Variants in ABHD13 observed in about 807,000 individuals in gnomAD.
ABHD13 encodes the protein abhydrolase domain containing 13, also known as protein ABHD13.
A neutral mutation model predicts 25.2 loss-of-function variants in ABHD13; 7 were observed. That is an observed-to-expected ratio of 0.28 (90% CI 0.16 to 0.52). The LOEUF (loss-of-function observed/expected upper bound fraction) is 0.52. ABHD13 is among the 20% of genes least tolerant of loss of function. ABHD13 has a pLI of 0.96. For missense variants in ABHD13, 302 were observed against 402.7 expected (o/e 0.75, Z 2.14); for synonymous variants, 133 against 136.1 (o/e 0.98, Z 0.16).
At chr13:108,228,124 A>G (rs868544285) in intron 1 of ABHD13, among the ~76,000 whole-genome samples, 1 of 152,138 alleles carries the variant, frequency 6.6e-6, no homozygotes, top group Non-Finnish European at 1.5e-5. Context: ...AATTTGTAAC[A>G]TATCTCAATT....
chr13:108,226,695 C>T (rs1422194960), intron 1 of ABHD13, among the ~76,000 whole-genome samples: 2 of 152,160 alleles, frequency 1.3e-5, no homozygotes, highest in African/African-American at 4.8e-5. Context: ...ACTGTCATAA[C>T]ATCTGGGTAT....
At chr13:108,221,808 G>A (rs995229426) in intron 1 of ABHD13, among the ~76,000 whole-genome samples, 4 of 151,364 alleles carry the variant, frequency 2.6e-5, no homozygotes, top group Non-Finnish European at 4.4e-5. Context: ...GGCAGAATCC[G>A]TAACTCGATA....
At position 108,229,381 on chromosome 13, in the gene ABHD13, G is replaced by A. The variant is rs1292384177; in HGVS notation, c.163G>A (p.Gly55Ser). Residue 55 changes from glycine to serine, a missense_variant, in exon 2 of 2, where the codon GGT becomes AGT. By Grantham distance (56) the Gly-to-Ser change is moderately conservative. Transcript: ENST00000375898. This position sits in a 1 kb window ranked among gnomAD's most constrained non-coding sequence, Gnocchi z 4.7. The stretch of plus-strand genomic sequence containing the variant: ...TTTGTTAATATTCATATCAATAGCA[G>A]GTATTCTGTATAAATTCCAGGATGT... ...LLLLIFISIAGILYKFQDVLL... is the reference protein window; with the variant it reads ...LLLLIFISIASILYKFQDVLL... 6.2e-7 allele frequency: 1 copy of A among 1,612,642 alleles called. No individual in the cohort carries two copies. Among genetic ancestry groups the A allele is most frequent in the Admixed American group, 1.7e-5 (1 of 59,898 alleles).
At chr13:108,223,368 C>G (rs922461346) in intron 1 of ABHD13, among the ~76,000 whole-genome samples, 2 of 152,334 alleles carry the variant, frequency 1.3e-5, no homozygotes, top group East Asian at 3.9e-4. Context: ...AACAAAGCAG[C>G]TAGTTCAGCT....
rs1332664819 is a variant in ABHD13 at position 108,230,330 on chromosome 13, G to A, written c.*98G>A. 1.7e-5 allele frequency: 19 copies of A among 1,087,486 alleles called. No homozygotes were observed. Among genetic ancestry groups the A allele is most frequent in the Non-Finnish European group, 2.3e-5 (18 of 780,212 alleles). The allele number at this position is 1,087,486 out of a possible 1,614,324, so 67.4% of individuals were successfully genotyped here. ...TGTTATGTCTGTACCTGTCTGAAGA[G>A]TGACATTAAACTTTGAAAGGACTTC... is the stretch of plus-strand genomic sequence containing the variant. On this transcript the variant is annotated 3_prime_UTR_variant, in exon 2 of 2. Coordinates refer to ENST00000375898, the MANE Select transcript of ABHD13 (RefSeq NM_032859.3).
Position 108,229,383 on chromosome 13 carries a change from T to C in ABHD13, c.165T>C (p.Gly55=). ...TGTTAATATTCATATCAATAGCAGGTATTCTGTATAAATTCCAGGATGTAT... is the reference window on the plus strand; with the variant it reads ...TGTTAATATTCATATCAATAGCAGGCATTCTGTATAAATTCCAGGATGTAT... The part of the protein sequence containing the change: ...LLLLIFISIA[G]ILYKFQDVLL... Residue 55 remains glycine, a synonymous_variant, in exon 2 of 2, where the codon GGT becomes GGC. Coordinates refer to ENST00000375898, the MANE Select transcript of ABHD13 (RefSeq NM_032859.3). This position sits in a 1 kb window ranked among gnomAD's most constrained non-coding sequence, Gnocchi z 4.7. The C allele has an allele frequency of 1.2e-6, 2 of 1,612,642 alleles. No homozygotes were observed. The highest frequency in any genetic ancestry group is 1.7e-6 in the Non-Finnish European group (2 of 1,179,168).
At chr13:108,223,002 C>T (rs1195120376) in intron 1 of ABHD13, among the ~76,000 whole-genome samples, 1 of 152,202 alleles carries the variant, frequency 6.6e-6, no homozygotes, top group African/African-American at 2.4e-5. Flanking sequence ...CAACAGGAGG[C>T]ACTTCCTTAA....
chr13:108,228,908 T>G (rs1353870197), intron 1 of ABHD13, among the ~76,000 whole-genome samples: 1 of 151,892 alleles, frequency 6.6e-6, no homozygotes, highest in Non-Finnish European at 1.5e-5. Context: ...CAACTTTTTT[T>G]GGGTCAAATC....
At chr13:108,226,971 C>G (rs1226673317) in intron 1 of ABHD13, among the ~76,000 whole-genome samples, 3 of 151,910 alleles carry the variant, frequency 2.0e-5, no homozygotes, top group Non-Finnish European at 4.4e-5. Flanking sequence ...GAAAACACAC[C>G]CATACCCACG....
intron 1 of ABHD13, among the ~76,000 whole-genome samples, chr13:108,223,811 A>G (rs1440390712): frequency 6.6e-6 from 1 of 152,246 alleles, no homozygotes; most frequent in Non-Finnish European, 1.5e-5. Flanking sequence ...AAGATCTCAG[A>G]TTTAATAGAG....
intron 1 of ABHD13, among the ~76,000 whole-genome samples, chr13:108,219,069 A>G (rs1566377722): frequency 1.3e-5 from 2 of 151,958 alleles, no homozygotes; most frequent in Non-Finnish European, 2.9e-5. Flanking sequence ...CCTAAAATCC[A>G]ACCCTCCGCT....
chr13:108,231,931 T>C lies in ABHD13; in HGVS notation c.*1699T>C, dbSNP rs758706418. The C allele has an allele frequency of 1.0e-4, 17 of 167,010 alleles. No individual in the cohort carries two copies. In the East Asian group the frequency reaches 1.3e-3, roughly 13 times the overall value. The allele number at this position is 167,010 out of a possible 1,614,324, so 10.3% of individuals were successfully genotyped here. Reference sequence around the variant, plus strand: ...TAAAACAAGTTGGTAATGCATATCATGGAAGGCATATTTTGTATGTATAAA... The same window carrying C: ...TAAAACAAGTTGGTAATGCATATCACGGAAGGCATATTTTGTATGTATAAA... On this transcript the variant is annotated 3_prime_UTR_variant, in exon 2 of 2. Coordinates refer to ENST00000375898, the MANE Select transcript of ABHD13 (RefSeq NM_032859.3).
chr13:108,218,828 G>A (rs942478036), intron 1 of ABHD13, among the ~76,000 whole-genome samples, 169 bp downstream of exon 1: 1 of 151,782 alleles, frequency 6.6e-6, no homozygotes, highest in African/African-American at 2.4e-5. Context: ...TCGTGCGGGG[G>A]CCGAGCGCCG....
chr13:108,221,741 T>C (rs1277386403), intron 1 of ABHD13, among the ~76,000 whole-genome samples: 1 of 152,216 alleles, frequency 6.6e-6, no homozygotes, highest in Non-Finnish European at 1.5e-5. Context: ...CGGAAATTCA[T>C]TGTAATTCAC....
chr13:108,230,180 G>A lies in ABHD13; in HGVS notation c.962G>A (p.Ser321Asn). The change falls in exon 2 of 2, where the codon AGC becomes AAC. Residue 321 changes from serine (S) to asparagine (N), a missense_variant. Transcript: ENST00000375898. ...CAGTTCATCAAAGAAGTCGTAAAGA[G>A]CCATTCTCCTGAAGAAATGGCAAAA... ...LEQFIKEVVKSHSPEEMAKTS... is the reference protein window; with the variant it reads ...LEQFIKEVVKNHSPEEMAKTS... 6.2e-7 allele frequency: 1 copy of A among 1,608,412 alleles called. No homozygotes were observed. The highest frequency in any genetic ancestry group is 8.5e-7 in the Non-Finnish European group (1 of 1,177,432).
chr13:108,220,195 T>C (rs1879533160), intron 1 of ABHD13, among the ~76,000 whole-genome samples: 1 of 152,202 alleles, frequency 6.6e-6, no homozygotes, highest in Admixed American at 6.5e-5. Context: ...CTCCTTTCCA[T>C]TGCACCACAC....
At chr13:108,218,801 G>A (rs1879458080) in intron 1 of ABHD13, 142 bp downstream of exon 1, 1 of 151,838 alleles carries the variant, frequency 6.6e-6, no homozygotes, top group African/African-American at 2.4e-5. Flanking sequence ...CGGGGCTAGT[G>A]CGGCTTCCCC....
At chr13:108,226,424 C>T (rs1879673405) in intron 1 of ABHD13, among the ~76,000 whole-genome samples, 1 of 152,176 alleles carries the variant, frequency 6.6e-6, no homozygotes, top group Non-Finnish European at 1.5e-5. Flanking sequence ...TCACTGTCCT[C>T]TCAGTCCAGA....
rs1879839936 is a variant in ABHD13, at chr13:108,232,966, G to A, written c.*2734G>A. The A allele has an allele frequency of 1.2e-5, 2 of 166,788 alleles. No homozygotes were observed. The highest frequency in any genetic ancestry group is 1.3e-4 in the Admixed American group (2 of 15,234). The allele number at this position is 166,788 out of a possible 1,614,324, so 10.3% of individuals were successfully genotyped here. A position where few individuals can be genotyped will look rare whatever the true frequency, so the allele number is the denominator to read the frequency against. Reference sequence around the variant, plus strand: ...TAGAAAATAATGAATTAATGAGATTGGTGAAAGGAAATCATGCAAAACATT... The same window carrying A: ...TAGAAAATAATGAATTAATGAGATTAGTGAAAGGAAATCATGCAAAACATT... On this transcript the variant is annotated 3_prime_UTR_variant, in exon 2 of 2. Transcript: ENST00000375898.
Sources: allele counts gnomAD v4.1 joint callset (sites outside exome capture counted in the v4.1 genomes callset), GRCh38; gene constraint gnomAD v4.1.1; non-coding constraint Gnocchi (gnomAD v3.1); transcripts MANE v1.5; gene names NCBI Gene and HGNC (gene_info 2026-07-23, HGNC 2026-07-21).